The following SGK3 variants were observed in gnomAD, a reference collection of about 807,000 sequenced individuals.
The protein encoded by SGK3 is serine/threonine-protein kinase Sgk3.
SGK3 carries 47 observed loss-of-function variants against 68.5 expected under a neutral mutation model. That is an observed-to-expected ratio of 0.69 (90% CI 0.54 to 0.87). The LOEUF (loss-of-function observed/expected upper bound fraction) is 0.87. Ranked by LOEUF, SGK3 falls within the 40% of genes least tolerant of loss-of-function variation. SGK3 has a pLI of 0.00. For synonymous variants in SGK3, 181 were observed against 189.1 expected (o/e 0.96, Z 0.35); for missense variants, 479 against 575.5 (o/e 0.83, Z 1.72).
intron 5 of SGK3, among the ~76,000 whole-genome samples, chr8:66,818,680 G>A (rs1230265067): frequency 6.6e-6 from 1 of 152,122 alleles, no homozygotes; most frequent in Non-Finnish European, 1.5e-5. Context: ...TACAATATGT[G>A]TTATCTGTCT....
At chr8:66,713,270 G>A (rs1804543720) in intron 1 of SGK3, among the ~76,000 whole-genome samples, 1 of 152,212 alleles carries the variant, frequency 6.6e-6, no homozygotes, top group African/African-American at 2.4e-5. Flanking sequence ...CGTCTTTTAA[G>A]TTCTCTGTAA....
At chr8:66,730,937 C>G (rs1192122722) in intron 1 of SGK3, among the ~76,000 whole-genome samples, 1 of 151,916 alleles carries the variant, frequency 6.6e-6, no homozygotes, top group Non-Finnish European at 1.5e-5. Context: ...TCTGCCCGCC[C>G]CAGTCTCCCA....
intron 10 of SGK3, chr8:66,839,769 A>G (rs933235674): frequency 2.1e-5 from 9 of 434,912 alleles, no homozygotes; most frequent in Middle Eastern, 9.4e-4. Flanking sequence ...ATGGGAGATG[A>G]GTGACATTAG....
chr8:66,846,086 T>G (rs1810001359), intron 14 of SGK3, among the ~76,000 whole-genome samples: 1 of 151,978 alleles, frequency 6.6e-6, no homozygotes, highest in South Asian at 2.1e-4. Context: ...TAAATTGGGT[T>G]TTTTTTTGTT....
At chr8:66,719,821 A>G (rs963595369) in intron 1 of SGK3, among the ~76,000 whole-genome samples, 7 of 152,244 alleles carry the variant, frequency 4.6e-5, no homozygotes, top group Middle Eastern at 3.2e-3. Flanking sequence ...GAAGAAATAG[A>G]GAAAATAAGA....
intron 1 of SGK3, among the ~76,000 whole-genome samples, chr8:66,723,127 A>T (rs1281646807): frequency 0.032 from 1,585 of 49,332 alleles, 148 homozygotes; most frequent in African/African-American, 0.11. Flanking sequence ...ATATATATAT[A>T]TATATTTTTT....
intron 1 of SGK3, chr8:66,767,414 A>G (rs758017608): frequency 1.8e-5 from 23 of 1,307,236 alleles, no homozygotes; most frequent in Non-Finnish European, 2.3e-5. Context: ...TCTATGTCAG[A>G]GCAAACAGGT....
chr8:66,817,991 G>A (rs1808662686), intron 5 of SGK3, among the ~76,000 whole-genome samples: 1 of 152,022 alleles, frequency 6.6e-6, no homozygotes. Context: ...TGTGCCGGTA[G>A]TCCCAACTGC....
chr8:66,823,054 A>G (rs1003323091), intron 6 of SGK3, among the ~76,000 whole-genome samples: 139 of 152,294 alleles, frequency 9.1e-4, no homozygotes, highest in African/African-American at 3.3e-3. Flanking sequence ...ACACCTAAAA[A>G]TTTTTAACAT....
At chr8:66,717,808 A>G (rs1439156803) in intron 1 of SGK3, among the ~76,000 whole-genome samples, 4 of 151,962 alleles carry the variant, frequency 2.6e-5, no homozygotes, top group Non-Finnish European at 1.5e-5. Context: ...GGTTCAAGCG[A>G]TTCTCGTGCT....
chr8:66,825,519 C>T (rs1316226717), intron 6 of SGK3, among the ~76,000 whole-genome samples: 2 of 151,820 alleles, frequency 1.3e-5, no homozygotes, highest in Non-Finnish European at 2.9e-5. Flanking sequence ...TTAGTAGAGA[C>T]GGGGTTTCAC....
Position 66,798,628 on chromosome 8 carries a change from A to G in SGK3, c.180+3A>G, listed in dbSNP as rs779858720. On this transcript the variant is annotated splice_donor_region_variant and intron_variant, in intron 3 of 16. Coordinates refer to ENST00000521198, the MANE Select transcript of SGK3 (RefSeq NM_001033578.3). ...AGTTTGATAAACTTTATAACACTGT[A>G]AGTAATCGTCTACAAGATTTCTAAT... 1.9e-6 allele frequency: 3 copies of G among 1,594,962 alleles called. No individual in the cohort carries two copies. The East Asian group carries it at 6.7e-5, about 36-fold the overall frequency.
intron 1 of SGK3, among the ~76,000 whole-genome samples, chr8:66,719,363 A>G (rs545486824): frequency 1.1e-4 from 17 of 151,810 alleles, no homozygotes; most frequent in Middle Eastern, 3.4e-3. Context: ...GTTTTAGTCT[A>G]TCTCCCAGGC....
At chr8:66,745,030 A>T (rs554882786) in intron 1 of SGK3, among the ~76,000 whole-genome samples, 7 of 151,060 alleles carry the variant, frequency 4.6e-5, no homozygotes, top group African/African-American at 1.7e-4. Flanking sequence ...TTAGTCTTTT[A>T]TTTTTTTAAA....
At position 66,778,917 on chromosome 8, in the gene SGK3, A is replaced by T. The variant is rs148355904; in HGVS notation, c.-121-14699A>T. Among the ~76,000 whole-genome samples, 818 of 152,314 alleles carry T rather than the reference A, an allele frequency of 5.4e-3. 11 individuals are homozygous for T. The highest frequency in any genetic ancestry group is 0.018 in the African/African-American group (735 of 41,580). On this transcript the variant is annotated intron_variant, in intron 1 of 16. Transcript: ENST00000521198. ...ATATCTGCAGCTTAGGATTTTGTGG[A>T]GTATTATTCCTAAAATATATTTTGT...
intron 1 of SGK3, among the ~76,000 whole-genome samples, chr8:66,762,261 G>A (rs540502147): frequency 2.4e-4 from 37 of 152,198 alleles, no homozygotes; most frequent in African/African-American, 8.7e-4. Context: ...GAGCCACCGC[G>A]CCCGGCCTAT....
chr8:66,743,118 G>A (rs1220603998), intron 1 of SGK3, among the ~76,000 whole-genome samples: 1 of 152,128 alleles, frequency 6.6e-6, no homozygotes, highest in Non-Finnish European at 1.5e-5. Flanking sequence ...AGAGACCATA[G>A]TTTTTTGCAG....
At chr8:66,779,587 T>A (rs1345119647) in intron 1 of SGK3, among the ~76,000 whole-genome samples, 57 of 135,838 alleles carry the variant, frequency 4.2e-4, no homozygotes, top group African/African-American at 1.5e-3. Context: ...TATATATATA[T>A]ATATATATAT....
At chr8:66,800,927 A>G (rs1029016524) in intron 3 of SGK3, among the ~76,000 whole-genome samples, 1 of 152,170 alleles carries the variant, frequency 6.6e-6, no homozygotes, top group Non-Finnish European at 1.5e-5. Flanking sequence ...TGAGGCTGCA[A>G]TGAGCCATGA....
Sources: allele counts gnomAD v4.1 joint callset (sites outside exome capture counted in the v4.1 genomes callset), GRCh38; gene constraint gnomAD v4.1.1; transcripts MANE v1.5; gene names NCBI Gene and HGNC (gene_info 2026-07-23, HGNC 2026-07-21).